PDE4D: variants seen among roughly 807,000 people sequenced by gnomAD.
The protein encoded by PDE4D is 3',5'-cyclic-AMP phosphodiesterase 4D.
PDE4D carries 24 observed loss-of-function variants against 87.4 expected under a neutral mutation model. That is an observed-to-expected ratio of 0.27 (90% CI 0.20 to 0.39). PDE4D has a LOEUF of 0.39. Ranked by LOEUF, PDE4D falls within the 10% of genes least tolerant of loss-of-function variation. The probability of loss-of-function intolerance (pLI) is 1.00; values close to 1 mark genes in which losing one functional copy is unlikely to be tolerated. For missense variants in PDE4D, 714 were observed against 1,041.0 expected, an observed-to-expected ratio of 0.69 and a Z score of 4.32; for synonymous variants, 384 against 383.2, an observed-to-expected ratio of 1.00 and a Z score of -0.02.
intron 6 of PDE4D, among the ~76,000 whole-genome samples, chr5:59,020,172 T>A (rs1754836114): frequency 6.6e-6 from 1 of 152,134 alleles, no homozygotes; most frequent in African/African-American, 2.4e-5. Context: ...ACTAAAAATT[T>A]CATTCAAAAG....
chr5:60,477,031 G>C (rs1481991126), intron 1 of PDE4D, among the ~76,000 whole-genome samples: 1 of 152,134 alleles, frequency 6.6e-6, no homozygotes, highest in Non-Finnish European at 1.5e-5. Context: ...ATGTGTGACT[G>C]GGCAAAGTGG....
At chr5:59,410,596 A>T (rs1276165977) in intron 1 of PDE4D, among the ~76,000 whole-genome samples, 1 of 152,086 alleles carries the variant, frequency 6.6e-6, no homozygotes, top group Non-Finnish European at 1.5e-5. Context: ...GGACATATGC[A>T]GTTTATCTTT....
At chr5:59,519,569 T>C (rs753085389) in intron 1 of PDE4D, among the ~76,000 whole-genome samples, 60 of 151,988 alleles carry the variant, frequency 3.9e-4, no homozygotes, top group Non-Finnish European at 5.7e-4. Context: ...AGGCGGACAG[T>C]GGTTTGAGAA....
rs143862050 is a variant in PDE4D, at chr5:59,989,910, G to T, written c.43-1193C>A. Among the ~76,000 whole-genome samples, 391 of 152,134 alleles carry T rather than the reference G, an allele frequency of 2.6e-3. 3 individuals carry two copies. Among genetic ancestry groups the T allele is most frequent in the African/African-American group, 8.5e-3 (354 of 41,538 alleles). On this transcript the variant is annotated intron_variant, in intron 2 of 16. Coordinates refer to the PDE4D transcript ENST00000502484. ...TAGTGTGTTGCTTAGTCTCTCTAAG[G>T]CTTCTGTTTCTTTATTATAAAAATG...
intron 1 of PDE4D, among the ~76,000 whole-genome samples, chr5:60,396,646 G>C (rs1167104088): frequency 1.3e-5 from 2 of 152,124 alleles, no homozygotes; most frequent in East Asian, 3.9e-4. Context: ...GCCTGCCTCA[G>C]CCTCGTGAGT....
intron 1 of PDE4D, among the ~76,000 whole-genome samples, chr5:59,748,382 C>A (rs1008303881): frequency 6.6e-6 from 1 of 152,086 alleles, no homozygotes; most frequent in East Asian, 1.9e-4. Context: ...TTCACAATAG[C>A]AAAGACTTGG....
At chr5:59,029,257 C>CA (rs35339520) in intron 6 of PDE4D, among the ~76,000 whole-genome samples, 65 of 141,070 alleles carry the variant, frequency 4.6e-4, no homozygotes, top group African/African-American at 8.4e-4. Context: ...CTTAAAAATA[C>CA]AAAAAAAAAA....
At chr5:59,627,537 C>T (rs1831037342) in intron 1 of PDE4D, among the ~76,000 whole-genome samples, 1 of 152,104 alleles carries the variant, frequency 6.6e-6, no homozygotes, top group Non-Finnish European at 1.5e-5. Flanking sequence ...TCCCTTCACC[C>T]CACCCCAAAG....
chr5:59,660,935 G>A (rs559727007), intron 1 of PDE4D, among the ~76,000 whole-genome samples: 4 of 151,860 alleles, frequency 2.6e-5, no homozygotes, highest in Admixed American at 1.3e-4. Flanking sequence ...ACCACTCTTA[G>A]ATCATAATGC....
chr5:60,102,432 T>C (rs1160578484), intron 2 of PDE4D, among the ~76,000 whole-genome samples: 2 of 151,750 alleles, frequency 1.3e-5, no homozygotes, highest in African/African-American at 2.4e-5. Flanking sequence ...GCAATATGAG[T>C]TGGGGAGAGT....
chr5:59,765,987 G>A (rs556397672), intron 1 of PDE4D, among the ~76,000 whole-genome samples: 5 of 152,304 alleles, frequency 3.3e-5, no homozygotes, highest in East Asian at 1.9e-4. Flanking sequence ...TATGCATAGC[G>A]AATGGAGGGG....
At chr5:60,411,625 C>T (rs111322044) in intron 1 of PDE4D, among the ~76,000 whole-genome samples, 4,177 of 152,016 alleles carry the variant, frequency 0.027, 93 homozygotes, top group Middle Eastern at 0.071. Flanking sequence ...ACATTATTTC[C>T]GAATATTTAA....
intron 1 of PDE4D, among the ~76,000 whole-genome samples, chr5:59,822,195 G>T (rs1311165101): frequency 6.6e-6 from 1 of 152,036 alleles, no homozygotes; most frequent in Admixed American, 6.6e-5. Context: ...TTATTAGAAA[G>T]GGCATATATA....
At chr5:59,588,111 C>T (rs910880771) in intron 1 of PDE4D, among the ~76,000 whole-genome samples, 8 of 152,114 alleles carry the variant, frequency 5.3e-5, no homozygotes, top group African/African-American at 1.4e-4. Flanking sequence ...GCCGGTTCTG[C>T]AGAAGTCAGT....
chr5:59,968,485 A>C (rs558452674), intron 3 of PDE4D, among the ~76,000 whole-genome samples: 10 of 152,248 alleles, frequency 6.6e-5, no homozygotes, highest in Non-Finnish European at 1.2e-4. Flanking sequence ...TATGCTCACT[A>C]TCAGGGTAAT....
chr5:58,997,285 A>G lies in PDE4D; in HGVS notation c.922-3820T>C, dbSNP rs575246216. Among the ~76,000 whole-genome samples, 3 of 152,230 alleles carry G rather than the reference A, an allele frequency of 2.0e-5. No homozygotes were observed. In the East Asian group the frequency reaches 5.8e-4, roughly 29 times the overall value. On this transcript the variant is annotated intron_variant, in intron 6 of 14. Coordinates refer to ENST00000340635, the MANE Select transcript of PDE4D (RefSeq NM_001104631.2). ...TTCTCAACTGGTAGTTGATCTCACA[A>G]ATTGGTTTTGGAGTGCATAGCTAGA...
intron 3 of PDE4D, among the ~76,000 whole-genome samples, chr5:59,923,589 C>G (rs1394816385): frequency 6.6e-6 from 1 of 152,214 alleles, no homozygotes; most frequent in Admixed American, 6.5e-5. Flanking sequence ...CCAGAGAATT[C>G]TTCTGGATCT....
chr5:59,290,895 A>AAAAAAAAAAAAAATAGAT (rs1767875819), intron 1 of PDE4D, among the ~76,000 whole-genome samples: 1 of 152,092 alleles, frequency 6.6e-6, no homozygotes, highest in Non-Finnish European at 1.5e-5. Context: ...ATCTCACTCC[A>AAAAAAAAAAAAAATAGAT]GCTAAAATGG....
At chr5:60,397,894 C>A (rs184503023) in intron 1 of PDE4D, among the ~76,000 whole-genome samples, 2 of 152,092 alleles carry the variant, frequency 1.3e-5, no homozygotes, top group African/African-American at 4.8e-5. Context: ...CAATAACTTA[C>A]CCTAATCAAT....
Sources: allele counts gnomAD v4.1 joint callset (sites outside exome capture counted in the v4.1 genomes callset), GRCh38; gene constraint gnomAD v4.1.1; transcripts MANE v1.5; gene names NCBI Gene and HGNC (gene_info 2026-07-23, HGNC 2026-07-21).